The following TIMM50 variants were observed in gnomAD, a reference collection of about 807,000 sequenced individuals.
The protein encoded by TIMM50 is translocase of inner mitochondrial membrane 50.
TIMM50 carries 34 observed loss-of-function variants against 49.6 expected under a neutral mutation model. The observed-to-expected ratio is 0.69, with a 90% CI of 0.52 to 0.91. The LOEUF (loss-of-function observed/expected upper bound fraction) is 0.91, where lower values mean the gene tolerates loss of function less well. Among genes scored for constraint, TIMM50 ranks in the 40% least tolerant of loss-of-function variants. TIMM50 has a pLI of 0.00. For synonymous variants in TIMM50, 199 were observed against 198.4 expected, an observed-to-expected ratio of 1.00 and a Z score of -0.03; for missense variants, 458 against 477.8, an observed-to-expected ratio of 0.96 and a Z score of 0.39.
In TIMM50 at chr19:39,481,021, A is replaced by G. The variant is rs147393132; in HGVS notation, c.108+60A>G. 8.2e-3 allele frequency: 12,310 copies of G among 1,493,476 alleles called. 86 individuals are homozygous for G. The highest frequency in any genetic ancestry group is 9.0e-3 in the Non-Finnish European group (10,204 of 1,130,952). 92.5% of individuals were successfully genotyped at this position (1,493,476 alleles called of 1,614,324 possible). ...GTCCCTTCCCTGGAGTTACGGACAT[A>G]TCGCCGCCCCTTGGGGGTTCCGGGA... is the stretch of plus-strand genomic sequence containing the variant. On this transcript the variant is annotated intron_variant, in intron 1 of 10. Transcript: ENST00000607714.
chr19:39,490,050 A>G lies in TIMM50; in HGVS notation c.*230A>G. 1.8e-6 allele frequency: 1 copy of G among 542,246 alleles called. No individual in the cohort carries two copies. The highest frequency in any genetic ancestry group is 2.7e-5 in the South Asian group (1 of 37,686). The allele number at this position is 542,246 out of a possible 1,614,324, so 33.6% of individuals were successfully genotyped here. On this transcript the variant is annotated 3_prime_UTR_variant, in exon 11 of 11. Coordinates refer to ENST00000607714, the MANE Select transcript of TIMM50 (RefSeq NM_001001563.5). ...GGGGTGCTTTGTTGGATCAGAGCAGATTTTTCACCCTGGTCTCGGAATCTA... is the reference window on the plus strand; with the variant it reads ...GGGGTGCTTTGTTGGATCAGAGCAGGTTTTTCACCCTGGTCTCGGAATCTA...
Position 39,480,875 on chromosome 19 carries a change from T to C in TIMM50, c.22T>C (p.Phe8Leu), listed in dbSNP as rs1172632143. 2.5e-6 allele frequency: 4 copies of C among 1,599,922 alleles called. No individual in the cohort carries two copies. The highest frequency in any genetic ancestry group is 2.6e-6 in the Non-Finnish European group (3 of 1,176,042). Residue 8 changes from phenylalanine to leucine, a missense_variant, in exon 1 of 11, where the codon TTC (phenylalanine) becomes CTC (leucine). Coordinates refer to ENST00000607714, the MANE Select transcript of TIMM50 (RefSeq NM_001001563.5). ...CAAGATGGCGGCCTCGGCAGCGGTG[T>C]TCTCGCGCTTGCGAAGCGGGCTCCG... Reference protein sequence around the residue: MAASAAVFSRLRSGLRLG... With the variant: MAASAAVLSRLRSGLRLG...
Position 39,491,310 on chromosome 19 carries a change from G to C in TIMM50, c.*1490G>C, listed in dbSNP as rs1222865790. The C allele has an allele frequency of 6.6e-6, 1 of 151,602 alleles. No homozygotes were observed. The highest frequency in any genetic ancestry group is 1.5e-5 in the Non-Finnish European group (1 of 68,004). The allele number at this position is 151,602 out of a possible 1,614,324, so 9.4% of individuals were successfully genotyped here. A position where few individuals can be genotyped will look rare whatever the true frequency, so the allele number is the denominator to read the frequency against. ...ACCTCCCAAGTAGCTGAGATTACAG[G>C]CGCACACCACCACGCCCGGCTAATT... On this transcript the variant is annotated 3_prime_UTR_variant, in exon 11 of 11. Transcript: ENST00000607714.
Position 39,491,665 on chromosome 19 carries a change from CAA to C in TIMM50, c.*1847_*1848del, listed in dbSNP as rs1329991990. The C allele has an allele frequency of 1.3e-5, 2 of 149,726 alleles. No homozygotes were observed. Among genetic ancestry groups the C allele is most frequent in the Admixed American group, 6.6e-5 (1 of 15,058 alleles). 9.3% of individuals were successfully genotyped at this position (149,726 alleles called of 1,614,324 possible). ...TGAAATCCTGCCTCTAAAAAAAAAA[CAA>C]AGTAACGAGCCCAGCGAGGTTATGC... On this transcript the variant is annotated 3_prime_UTR_variant, in exon 11 of 11. Coordinates refer to ENST00000607714, the MANE Select transcript of TIMM50 (RefSeq NM_001001563.5).
Position 39,481,796 on chromosome 19 carries a change from C to T in TIMM50, c.109-87C>T, listed in dbSNP as rs2079473689. 5.3e-6 allele frequency: 8 copies of T among 1,518,166 alleles called. No individual in the cohort carries two copies. The South Asian group carries it at 9.8e-5, about 19-fold the overall frequency. The allele number at this position is 1,518,166 out of a possible 1,614,324, so 94.0% of individuals were successfully genotyped here. ...CTCTGTGGGTGTCTGCCTCTTGGCT[C>T]CTGAACTTGATTCTTCTTGGACTGG... On this transcript the variant is annotated intron_variant, in intron 1 of 10. Coordinates refer to ENST00000607714, the MANE Select transcript of TIMM50 (RefSeq NM_001001563.5).
rs1259115158 is a variant in TIMM50 at position 39,491,661 on chromosome 19, AAAAC to A, written c.*1845_*1848del. 2.0e-5 allele frequency: 3 copies of A among 151,484 alleles called. No homozygotes were observed. The highest frequency in any genetic ancestry group is 2.9e-5 in the Non-Finnish European group (2 of 67,890). 9.4% of individuals were successfully genotyped at this position (151,484 alleles called of 1,614,324 possible). On this transcript the variant is annotated 3_prime_UTR_variant, in exon 11 of 11. Transcript: ENST00000607714. ...ATGGTGAAATCCTGCCTCTAAAAAAAAAACAAAGTAACGAGCCCAGCGAGGTTAT... is the reference window on the plus strand; with the variant it reads ...ATGGTGAAATCCTGCCTCTAAAAAAAAAAGTAACGAGCCCAGCGAGGTTAT...
chr19:39,481,255 G>A, intron 1 of TIMM50: 2 of 465,050 alleles, frequency 4.3e-6, no homozygotes, highest in Middle Eastern at 5.4e-4. Context: ...GAGGGGCCTG[G>A]GACGCTGGAG....
chr19:39,481,185 C>T (rs976135333), intron 1 of TIMM50: 2 of 581,558 alleles, frequency 3.4e-6, no homozygotes, highest in African/African-American at 2.0e-5. Context: ...ACGTGGGTGC[C>T]GGAGGAGGAG....
intron 10 of TIMM50, 94 bp from the exon 11 acceptor site, chr19:39,489,624 TG>T: frequency 1.7e-6 from 2 of 1,175,842 alleles, no homozygotes; most frequent in Non-Finnish European, 2.4e-6. Flanking sequence ...GAAGGAAAGG[TG>T]GTCCCTGGGC....
chr19:39,491,128 TCTGTACTGTCCAGTAC>T lies in TIMM50; in HGVS notation c.*1309_*1324del. 1.3e-5 allele frequency: 2 copies of T among 152,188 alleles called. No individual in the cohort carries two copies. The highest frequency in any genetic ancestry group is 3.9e-4 in the East Asian group (2 of 5,144). 9.4% of individuals were successfully genotyped at this position (152,188 alleles called of 1,614,324 possible). A position where few individuals can be genotyped will look rare whatever the true frequency, so the allele number is the denominator to read the frequency against. On this transcript the variant is annotated 3_prime_UTR_variant, in exon 11 of 11. Transcript: ENST00000607714. The stretch of plus-strand genomic sequence containing the variant: ...TGTGATGTTTGGTTCATGTTCTAGG[TCTGTACTGTCCAGTAC>T]AGTAGCCAGTGGCCACATAAACCTT...
intron 8 of TIMM50, among the ~76,000 whole-genome samples, chr19:39,486,767 G>A (rs1223298083): frequency 2.0e-5 from 3 of 152,004 alleles, no homozygotes; most frequent in African/African-American, 7.3e-5. Context: ...TTAGAAGCTG[G>A]TTTTATCTTG....
chr19:39,486,173 C>T lies in TIMM50; in HGVS notation c.493-14C>T, dbSNP rs1247975226. 3.1e-6 allele frequency: 5 copies of T among 1,613,548 alleles called. No homozygotes were observed. In the African/African-American group the frequency reaches 6.7e-5, roughly 22 times the overall value. On this transcript the variant is annotated splice_polypyrimidine_tract_variant and intron_variant, in intron 6 of 10. Coordinates refer to ENST00000607714, the MANE Select transcript of TIMM50 (RefSeq NM_001001563.5). ...CTGGGTCTTGGTGTTTCACTGTCCTCACTGTCTTCCCAGCTGGCCACTGGC... is the reference window on the plus strand; with the variant it reads ...CTGGGTCTTGGTGTTTCACTGTCCTTACTGTCTTCCCAGCTGGCCACTGGC...
chr19:39,484,135 G>C (rs1219901984), intron 4 of TIMM50, among the ~76,000 whole-genome samples: 2 of 152,174 alleles, frequency 1.3e-5, no homozygotes, highest in East Asian at 3.9e-4. Context: ...TTACAGGCTT[G>C]AGCCACCACT....
chr19:39,481,176 C>A, intron 1 of TIMM50: 1 of 603,062 alleles, frequency 1.7e-6, no homozygotes, highest in Non-Finnish European at 2.7e-6. Flanking sequence ...CTCCCACCCA[C>A]GTGGGTGCCG....
intron 1 of TIMM50, chr19:39,481,314 G>C (rs2079469885): frequency 2.8e-6 from 1 of 363,598 alleles, no homozygotes; most frequent in Non-Finnish European, 5.0e-6. Context: ...TGGTGGTGGC[G>C]AGGTAGACGT....
At chr19:39,483,033 C>T (rs2079483079) in intron 3 of TIMM50, 102 bp from the exon 4 acceptor site, 1 of 1,607,810 alleles carries the variant, frequency 6.2e-7, no homozygotes. Flanking sequence ...TTCCCAGTGA[C>T]CTTTGCCTGT....
intron 4 of TIMM50, chr19:39,484,971 T>G (rs1024199482): frequency 6.5e-6 from 1 of 155,030 alleles, no homozygotes; most frequent in African/African-American, 2.4e-5. Flanking sequence ...GTTTTTTTTT[T>G]TTCTGAGACG....
chr19:39,485,806 C>A lies in TIMM50; in HGVS notation c.491C>A (p.Ser164Ter). The change falls in exon 6 of 11, where the codon TCG becomes TAG. Residue 164 changes from serine to a stop codon, truncating the protein, a stop_gained and splice_region_variant. Coordinates refer to ENST00000607714, the MANE Select transcript of TIMM50 (RefSeq NM_001001563.5). LOFTEE classifies it high-confidence loss of function. ...GGCGTCCTCTTGCATCCTGAGTGGT[C>A]GGTGTGTCCCGGGAAACCCAGTGGG... ...LTGVLLHPEW[S>*]LATGWRFKKR... The A allele has an allele frequency of 6.2e-7, 1 of 1,614,048 alleles. No individual in the cohort carries two copies. Among genetic ancestry groups the A allele is most frequent in the South Asian group, 1.1e-5 (1 of 91,056 alleles).
intron 2 of TIMM50, among the ~76,000 whole-genome samples, chr19:39,482,445 C>T (rs954441430): frequency 3.9e-5 from 6 of 152,044 alleles, no homozygotes; most frequent in Admixed American, 6.6e-5. Context: ...ATCACGAGGT[C>T]AGGAGACGGA....
Sources: gnomAD v4.1 joint callset for allele counts (sites outside exome capture counted in the v4.1 genomes callset) on GRCh38, gnomAD v4.1.1 for gene constraint, MANE v1.5 for transcripts, NCBI Gene and HGNC (gene_info 2026-07-23, HGNC 2026-07-21) for gene names.